Variants in NEIL3 observed in about 807,000 individuals in gnomAD.
NEIL3 encodes endonuclease 8-like 3.
A neutral mutation model predicts 57.5 loss-of-function variants in NEIL3; 48 were observed. The ratio of observed to expected loss-of-function variants is 0.83; its 90% confidence interval spans 0.66 to 1.06. The LOEUF is 1.06. NEIL3 is among the 50% of genes least tolerant of loss of function. NEIL3 has a pLI of 0.00. For missense variants in NEIL3, 717 were observed against 739.1 expected, an observed-to-expected ratio of 0.97 and a Z score of 0.35; for synonymous variants, 261 against 253.2, an observed-to-expected ratio of 1.03 and a Z score of -0.29.
At chr4:177,335,410 A>AT (rs1412290040) in intron 2 of NEIL3, among the ~76,000 whole-genome samples, 2 of 152,080 alleles carry the variant, frequency 1.3e-5, no homozygotes, top group Non-Finnish European at 2.9e-5. Flanking sequence ...GCAGGGGTGT[A>AT]TTTTTTTGGG....
chr4:177,347,001 CAAAA>C (rs11323162), intron 6 of NEIL3, among the ~76,000 whole-genome samples: 18 of 123,388 alleles, frequency 1.5e-4, no homozygotes, highest in African/African-American at 3.5e-4. Context: ...GACTCCGTCT[CAAAA>C]AAAAAAAAAA....
Position 177,309,899 on chromosome 4 carries a change from C to T in NEIL3, c.-55C>T. 1.9e-6 allele frequency: 3 copies of T among 1,562,570 alleles called. No individual in the cohort carries two copies. Among genetic ancestry groups the T allele is most frequent in the Non-Finnish European group, 2.6e-6 (3 of 1,158,548 alleles). On this transcript the variant is annotated 5_prime_UTR_variant, in exon 1 of 10. Coordinates refer to ENST00000264596, the MANE Select transcript of NEIL3 (RefSeq NM_018248.3). The stretch of plus-strand genomic sequence containing the variant: ...AGTGCCCGCGCAGCGTTGAGTTGCA[C>T]AGCGGTATTCTCACCAGGCCCTGCA...
rs35811885 is a variant in NEIL3 at position 177,338,529 on chromosome 4, C to T, written c.628-1254C>T. On this transcript the variant is annotated intron_variant, in intron 4 of 9. Transcript: ENST00000264596. Reference sequence around the variant, plus strand: ...GGACCTGCTCAGTTCAAACCTGTGTCGTTGAAGGGTCAGCTGTACATATAG... The same window carrying T: ...GGACCTGCTCAGTTCAAACCTGTGTTGTTGAAGGGTCAGCTGTACATATAG... Among the ~76,000 whole-genome samples, 1,279 of 151,726 alleles carry T rather than the reference C, an allele frequency of 8.4e-3. 19 individuals carry two copies. The highest frequency in any genetic ancestry group is 0.029 in the African/African-American group (1,216 of 41,494).
chr4:177,355,506 T>G (rs1735453002), intron 8 of NEIL3, among the ~76,000 whole-genome samples: 1 of 152,252 alleles, frequency 6.6e-6, no homozygotes, highest in Admixed American at 6.5e-5. Flanking sequence ...TTTTTATTGT[T>G]TCATTATTTT....
chr4:177,355,091 T>C (rs1735445389), intron 8 of NEIL3, among the ~76,000 whole-genome samples: 1 of 152,232 alleles, frequency 6.6e-6, no homozygotes, highest in South Asian at 2.1e-4. Context: ...CCCGATGTTA[T>C]ATCTCCAACA....
chr4:177,368,168 C>T, the NEIL3 span, among the ~76,000 whole-genome samples: 6 of 152,090 alleles, frequency 3.9e-5, no homozygotes, highest in African/African-American at 1.4e-4. Flanking sequence ...GGAAAAAATA[C>T]ACAAATGAAA....
intron 2 of NEIL3, among the ~76,000 whole-genome samples, chr4:177,333,422 T>C (rs1734916912): frequency 6.6e-6 from 1 of 152,202 alleles, no homozygotes; most frequent in Non-Finnish European, 1.5e-5. Flanking sequence ...ATATTAGAAC[T>C]TGGTTGCAAG....
chr4:177,349,608 A>G (rs1735309942), intron 6 of NEIL3, among the ~76,000 whole-genome samples: 1 of 152,174 alleles, frequency 6.6e-6, no homozygotes, highest in African/African-American at 2.4e-5. Context: ...CTTCTTTATA[A>G]AGTAACATTT....
intron 1 of NEIL3, among the ~76,000 whole-genome samples, chr4:177,320,568 C>G (rs1205528068): frequency 6.7e-6 from 1 of 148,930 alleles, no homozygotes; most frequent in African/African-American, 2.5e-5. Flanking sequence ...AGCTCCACCT[C>G]CAGGGTTCAC....
At chr4:177,310,552 A>C (rs1228826072) in intron 1 of NEIL3, among the ~76,000 whole-genome samples, 1 of 152,222 alleles carries the variant, frequency 6.6e-6, no homozygotes, top group African/African-American at 2.4e-5. Context: ...TAAGTATATC[A>C]CAACTAGTAT....
chr4:177,310,877 T>G (rs1301945630), intron 1 of NEIL3, among the ~76,000 whole-genome samples: 2 of 152,262 alleles, frequency 1.3e-5, no homozygotes, highest in African/African-American at 4.8e-5. Flanking sequence ...GCAAAGCTTC[T>G]TATAGCCTTT....
chr4:177,317,597 C>CTTTTTTTTTTTTTTTTT (rs745358876), intron 1 of NEIL3, among the ~76,000 whole-genome samples: 2 of 70,058 alleles, frequency 2.9e-5, no homozygotes, highest in Non-Finnish European at 5.3e-5. Flanking sequence ...ACTTTCTTTT[C>CTTTTTTTTTTTTTTTTT]TTTTTTTTTT....
Position 177,335,786 on chromosome 4 carries a change from A to T in NEIL3, c.377A>T (p.Asp126Val). ...SPVLEVQLTK[D>V]LICFFDSSVE... ...GTTTTGGAAGTGCAGCTCACCAAAG[A>T]TTTGATTTGTTTCTTTGACTCATCA... The change falls in exon 3 of 10, where the codon GAT (aspartate) becomes GTT (valine). Residue 126 changes from aspartate (D) to valine (V), a missense_variant. Asp to Val is a radical substitution (Grantham distance 152). Transcript: ENST00000264596. 6.3e-7 allele frequency: 1 copy of T among 1,581,156 alleles called. No homozygotes were observed. The highest frequency in any genetic ancestry group is 8.6e-7 in the Non-Finnish European group (1 of 1,168,182).
At position 177,330,598 on chromosome 4, in the gene NEIL3, T is replaced by C. The variant is rs1182279937; in HGVS notation, c.279-5090T>C. Among the ~76,000 whole-genome samples, 6 of 152,254 alleles carry C rather than the reference T, an allele frequency of 3.9e-5. No individual in the cohort carries two copies. The East Asian group carries it at 1.2e-3, about 29-fold the overall frequency. On this transcript the variant is annotated intron_variant, in intron 2 of 9. Coordinates refer to ENST00000264596, the MANE Select transcript of NEIL3 (RefSeq NM_018248.3). ...TAATAAAAATGAATGACACCAAAAA[T>C]TGGTTCTTTGAAAAATGTAATAAAA...
At chr4:177,367,961 G>C in the NEIL3 span, among the ~76,000 whole-genome samples, 1 of 152,118 alleles carries the variant, frequency 6.6e-6, no homozygotes, top group African/African-American at 2.4e-5. Context: ...AAGGAGACTT[G>C]GACTTCTGTA....
chr4:177,366,282 T>A (rs1735691395), downstream of NEIL3, among the ~76,000 whole-genome samples: 1 of 152,146 alleles, frequency 6.6e-6, no homozygotes, highest in African/African-American at 2.4e-5. Context: ...GGATCTATTA[T>A]ATGAGTTTTC....
At chr4:177,360,826 A>C in intron 9 of NEIL3, 149 bp downstream of exon 9, 1 of 566,244 alleles carries the variant, frequency 1.8e-6, no homozygotes, top group Non-Finnish European at 2.9e-6. Flanking sequence ...TTGAATGTTG[A>C]CTAACTTAAA....
intron 2 of NEIL3, among the ~76,000 whole-genome samples, chr4:177,324,948 A>G (rs1041951262): frequency 2.5e-5 from 2 of 80,244 alleles, no homozygotes; most frequent in Admixed American, 1.5e-4. Context: ...AAATTTAAAA[A>G]ACAGATAGAT....
chr4:177,329,788 AG>A (rs1195066131), intron 2 of NEIL3, among the ~76,000 whole-genome samples: 1 of 152,226 alleles, frequency 6.6e-6, no homozygotes, highest in African/African-American at 2.4e-5. Context: ...ACACTTAGCA[AG>A]ATTGACCAGA....
Sources: allele counts gnomAD v4.1 joint callset (sites outside exome capture counted in the v4.1 genomes callset), GRCh38; gene constraint gnomAD v4.1.1; transcripts MANE v1.5; gene names NCBI Gene and HGNC (gene_info 2026-07-23, HGNC 2026-07-21).